Variants in TENM3 observed in about 807,000 individuals in gnomAD.
TENM3 encodes teneurin-3.
Under a neutral mutation model 255.1 loss-of-function variants are expected in TENM3, and 63 were observed. The ratio of observed to expected loss-of-function variants is 0.25; its 90% CI spans 0.20 to 0.30. TENM3 has a LOEUF of 0.30. Ranked by LOEUF, TENM3 falls within the 10% of genes least tolerant of loss-of-function variation. TENM3 has a pLI of 1.00. For missense variants in TENM3, 2,929 were observed against 3,461.1 expected (o/e 0.85, Z 3.86); for synonymous variants, 1,306 against 1,322.3 (o/e 0.99, Z 0.27).
the TENM3 span, among the ~76,000 whole-genome samples, chr4:181,892,664 T>C: frequency 2.4e-4 from 37 of 152,260 alleles, no homozygotes; most frequent in Admixed American, 1.8e-3. Flanking sequence ...ACTCCTAGTC[T>C]TTTTTCTCTC....
chr4:182,480,917 G>A (rs1580699087), intron 3 of TENM3, among the ~76,000 whole-genome samples: 1 of 151,996 alleles, frequency 6.6e-6, no homozygotes, highest in Non-Finnish European at 1.5e-5. Flanking sequence ...TGAGATATAC[G>A]GAGTCATTTT....
chr4:182,789,705 C>T lies in TENM3; in HGVS notation c.5601+316C>T, dbSNP rs555505356. Among the ~76,000 whole-genome samples, 53 of 152,322 alleles carry T rather than the reference C, an allele frequency of 3.5e-4. No homozygotes were observed. The highest frequency in any genetic ancestry group is 1.3e-3 in the African/African-American group (52 of 41,578). On this transcript the variant is annotated intron_variant, in intron 25 of 27. Coordinates refer to ENST00000511685, the MANE Select transcript of TENM3 (RefSeq NM_001080477.4). This position sits in a 1 kb window ranked among gnomAD's most constrained non-coding sequence, Gnocchi z 4.4. ...CAAATTAGACCTTGAGCGTGTAAGTCGCTTGTAAATAATTTTCGTGCTAGC... is the reference window on the plus strand; with the variant it reads ...CAAATTAGACCTTGAGCGTGTAAGTTGCTTGTAAATAATTTTCGTGCTAGC...
intron 1 of TENM3, among the ~76,000 whole-genome samples, chr4:182,275,610 G>C (rs1759944601): frequency 6.6e-6 from 1 of 152,020 alleles, no homozygotes. Flanking sequence ...GATAATTTTA[G>C]AGCATAGTAA....
Position 182,640,811 on chromosome 4 carries a change from G to C in TENM3, c.988+11922G>C, listed in dbSNP as rs115528022. Among the ~76,000 whole-genome samples, 1,271 of 152,278 alleles carry C rather than the reference G, an allele frequency of 8.3e-3. 16 individuals carry two copies. The highest frequency in any genetic ancestry group is 0.029 in the African/African-American group (1,201 of 41,566). ...ATATTCATTAATAATGGTTAAGTTA[G>C]GAGTAACTAAGGAAAACTGCTCTCC... On this transcript the variant is annotated intron_variant, in intron 5 of 27. Coordinates refer to ENST00000511685, the MANE Select transcript of TENM3 (RefSeq NM_001080477.4).
chr4:182,448,976 G>A, intron 3 of TENM3: 1 of 399,060 alleles, frequency 2.5e-6, no homozygotes. Context: ...GCCGCGCGCA[G>A]CCCGAGCCCG....
intron 3 of TENM3, among the ~76,000 whole-genome samples, chr4:182,475,087 G>C (rs976076163): frequency 1.3e-5 from 2 of 152,100 alleles, no homozygotes; most frequent in African/African-American, 4.8e-5. Context: ...ACACTTATTG[G>C]AGGTACCTTC....
intron 6 of TENM3, among the ~76,000 whole-genome samples, chr4:182,660,398 T>G (rs756598482): frequency 5.9e-5 from 9 of 152,226 alleles, no homozygotes; most frequent in Non-Finnish European, 1.3e-4. Context: ...CTGGGTGCCT[T>G]TAAGCAAATT....
At chr4:181,770,771 C>T in the TENM3 span, among the ~76,000 whole-genome samples, 1 of 151,642 alleles carries the variant, frequency 6.6e-6, no homozygotes, top group African/African-American at 2.4e-5. Context: ...TGGAAACATG[C>T]ACATGTAGCC....
chr4:181,472,751 C>T, the TENM3 span, among the ~76,000 whole-genome samples: 4 of 152,206 alleles, frequency 2.6e-5, no homozygotes, highest in East Asian at 5.8e-4. Context: ...AGCGTAAAGG[C>T]TGAGAGCCCT....
the TENM3 span, among the ~76,000 whole-genome samples, chr4:181,613,571 C>A: frequency 6.6e-6 from 1 of 152,298 alleles, no homozygotes; most frequent in African/African-American, 2.4e-5. Flanking sequence ...TGGGTGTAAG[C>A]CCAGCTATGC....
intron 3 of TENM3, among the ~76,000 whole-genome samples, chr4:182,515,806 A>T (rs976414830): frequency 6.6e-6 from 1 of 152,174 alleles, no homozygotes; most frequent in Non-Finnish European, 1.5e-5. Context: ...GATGTCTGTG[A>T]TACAGTAAAA....
At chr4:182,401,518 G>A (rs575505677) in intron 3 of TENM3, among the ~76,000 whole-genome samples, 3 of 152,282 alleles carry the variant, frequency 2.0e-5, no homozygotes, top group South Asian at 4.1e-4. Flanking sequence ...TGTGCCAGAT[G>A]TGTGGTATTT....
intron 1 of TENM3, among the ~76,000 whole-genome samples, chr4:182,217,009 C>CTTTTTTTTTTTTTTTTTTTTTTT (rs3071526): frequency 1.5e-5 from 1 of 67,508 alleles, no homozygotes. Flanking sequence ...CATTTTCTTT[C>CTTTTTTTTTTTTTTTTTTTTTTT]TTTTTTTTTT....
the TENM3 span, among the ~76,000 whole-genome samples, chr4:181,709,699 A>G: frequency 2.0e-5 from 3 of 152,268 alleles, no homozygotes; most frequent in Non-Finnish European, 4.4e-5. Flanking sequence ...GATGTGGATC[A>G]TAGGAGGGGA....
intron 13 of TENM3, among the ~76,000 whole-genome samples, chr4:182,721,772 T>C (rs4862084): frequency 1 from 151,600 of 152,342 alleles, 75,431 homozygotes; most frequent in Middle Eastern, 1. Flanking sequence ...ATATCAATTT[T>C]GTCTGATGAA....
intron 5 of TENM3, among the ~76,000 whole-genome samples, chr4:182,645,966 C>G (rs1752710423): frequency 6.6e-6 from 1 of 152,188 alleles, no homozygotes; most frequent in Non-Finnish European, 1.5e-5. Context: ...AGGCTACCTA[C>G]TACAGTGGCT....
At chr4:182,150,979 T>G (rs1340641443) in intron 1 of TENM3, among the ~76,000 whole-genome samples, 1 of 152,106 alleles carries the variant, frequency 6.6e-6, no homozygotes, top group Non-Finnish European at 1.5e-5. Context: ...TAGAATGAAT[T>G]ATTTCCTCTT....
At chr4:182,480,271 T>C (rs2151507829) in intron 3 of TENM3, among the ~76,000 whole-genome samples, 1 of 152,148 alleles carries the variant, frequency 6.6e-6, no homozygotes, top group Admixed American at 6.5e-5. Flanking sequence ...ACAAGTAAAA[T>C]CTTGAGTGGA....
At chr4:181,545,937 C>CTGCA in the TENM3 span, among the ~76,000 whole-genome samples, 1 of 152,126 alleles carries the variant, frequency 6.6e-6, no homozygotes, top group Non-Finnish European at 1.5e-5. Context: ...CACCATTATT[C>CTGCA]TGCAGAAAAA....
Sources: allele counts gnomAD v4.1 joint callset (sites outside exome capture counted in the v4.1 genomes callset), GRCh38; gene constraint gnomAD v4.1.1; non-coding constraint Gnocchi (gnomAD v3.1); transcripts MANE v1.5; gene names NCBI Gene and HGNC (gene_info 2026-07-23, HGNC 2026-07-21).